The following CSMD1 variants were observed in gnomAD, a reference collection of about 807,000 sequenced individuals.
CSMD1 encodes the protein CUB and Sushi multiple domains 1.
In CSMD1, 213 loss-of-function variants were observed where a neutral mutation model predicts 417.5. The observed-to-expected ratio is 0.51, with a 90% CI of 0.46 to 0.57. The LOEUF (loss-of-function observed/expected upper bound fraction) is 0.57, where lower values mean the gene tolerates loss of function less well. CSMD1 is among the 20% of genes least tolerant of loss of function. The pLI, the probability that CSMD1 is intolerant of heterozygous loss-of-function variation, is 0.00. For missense variants in CSMD1, 6,923 were observed against 4,529.7 expected, an observed-to-expected ratio of 1.53 and a Z score of -15.17; for synonymous variants, 2,862 against 1,736.8, an observed-to-expected ratio of 1.65 and a Z score of -16.11.
intron 4 of CSMD1, among the ~76,000 whole-genome samples, chr8:4,025,229 G>C (rs956352690): frequency 3.3e-5 from 5 of 152,160 alleles, no homozygotes; most frequent in African/African-American, 1.2e-4. Context: ...CATGGAGGAG[G>C]ATTTTCTAAA....
rs751854109 is a variant in CSMD1 at position 3,018,664 on chromosome 8, C to G, written c.7856-14G>C. 10 of 1,604,906 alleles carry G rather than the reference C, an allele frequency of 6.2e-6. 1 individual carries two copies. In the South Asian group the frequency reaches 1.1e-4, roughly 18 times the overall value. On this transcript the variant is annotated splice_polypyrimidine_tract_variant and intron_variant, in intron 51 of 69. Coordinates refer to ENST00000635120, the MANE Select transcript of CSMD1 (RefSeq NM_033225.6). ...CACACGAGATAACTAGAAGGAAAAA[C>G]AATAAAATGAACATCAATTCAGTTA...
intron 1 of CSMD1, among the ~76,000 whole-genome samples, chr8:4,821,974 G>C (rs550989208): frequency 1.3e-5 from 2 of 151,932 alleles, no homozygotes; most frequent in Non-Finnish European, 2.9e-5. Context: ...AGAATACTAC[G>C]TAAAATAAAG....
At chr8:2,958,376 T>G (rs967555688) in intron 62 of CSMD1, among the ~76,000 whole-genome samples, 11 of 152,234 alleles carry the variant, frequency 7.2e-5, no homozygotes, top group Non-Finnish European at 1.6e-4. Context: ...CGCTGCAGAT[T>G]CTTCTCTGAT....
chr8:4,668,502 T>C (rs1051575193), intron 1 of CSMD1, among the ~76,000 whole-genome samples: 5 of 150,332 alleles, frequency 3.3e-5, no homozygotes, highest in Admixed American at 1.3e-4. Context: ...CAGGCTGGAG[T>C]GCAGTGGCAC....
chr8:3,041,443 T>G (rs1447446256), intron 50 of CSMD1, among the ~76,000 whole-genome samples: 3 of 152,194 alleles, frequency 2.0e-5, no homozygotes, highest in African/African-American at 7.2e-5. Flanking sequence ...ATACACACCT[T>G]GAAAACCTTT....
At chr8:3,203,832 A>T (rs550112157) in intron 31 of CSMD1, among the ~76,000 whole-genome samples, 1 of 152,296 alleles carries the variant, frequency 6.6e-6, no homozygotes, top group Non-Finnish European at 1.5e-5. Context: ...TCTTATTAAT[A>T]ATATCGCTTC....
chr8:4,491,123 A>G (rs1318776311), intron 2 of CSMD1, among the ~76,000 whole-genome samples: 2 of 152,214 alleles, frequency 1.3e-5, no homozygotes, highest in Non-Finnish European at 2.9e-5. Flanking sequence ...CGGGCAATGA[A>G]ATAATCTCTA....
intron 23 of CSMD1, among the ~76,000 whole-genome samples, chr8:3,312,824 T>G (rs1805453689): frequency 6.6e-6 from 1 of 152,092 alleles, no homozygotes; most frequent in South Asian, 2.1e-4. Flanking sequence ...TTCAATCTGG[T>G]GTTTCAGACA....
intron 2 of CSMD1, among the ~76,000 whole-genome samples, chr8:4,511,713 G>C (rs531339245): frequency 1.6e-3 from 240 of 152,260 alleles, no homozygotes; most frequent in African/African-American, 4.6e-3. Flanking sequence ...ATGAACTGCT[G>C]CTGGCTCAGT....
chr8:3,052,427 C>T (rs1387731908), intron 50 of CSMD1, 35 bp downstream of exon 50: 9 of 1,526,192 alleles, frequency 5.9e-6, no homozygotes, highest in African/African-American at 4.2e-5. Flanking sequence ...CCCACCTAAA[C>T]CCACAAAGAT....
chr8:3,681,103 G>A (rs1373801475), intron 7 of CSMD1, among the ~76,000 whole-genome samples: 1 of 152,144 alleles, frequency 6.6e-6, no homozygotes, highest in African/African-American at 2.4e-5. Flanking sequence ...GCAAAAACTG[G>A]AAGCATTCCC....
chr8:4,204,699 G>T (rs1015677256), intron 3 of CSMD1, among the ~76,000 whole-genome samples: 1 of 152,092 alleles, frequency 6.6e-6, no homozygotes, highest in South Asian at 2.1e-4. Flanking sequence ...CTGTCACCCA[G>T]GCTGGAATGC....
At chr8:3,538,210 C>A (rs983247456) in intron 10 of CSMD1, among the ~76,000 whole-genome samples, 4 of 152,222 alleles carry the variant, frequency 2.6e-5, no homozygotes, top group Non-Finnish European at 5.9e-5. Flanking sequence ...CCCACTAGCA[C>A]CATCAGCTGG....
At chr8:3,953,184 T>G (rs986367072) in intron 5 of CSMD1, among the ~76,000 whole-genome samples, 1 of 152,112 alleles carries the variant, frequency 6.6e-6, no homozygotes, top group Non-Finnish European at 1.5e-5. Flanking sequence ...AGATTTTACT[T>G]TGTGTAGAAG....
intron 15 of CSMD1, among the ~76,000 whole-genome samples, chr8:3,404,907 A>T (rs546990213): frequency 6.6e-6 from 1 of 152,006 alleles, no homozygotes; most frequent in African/African-American, 2.4e-5. Context: ...ATCATTTCCA[A>T]CTCTTCACTG....
chr8:4,012,460 C>T (rs957085343), intron 4 of CSMD1, among the ~76,000 whole-genome samples: 4 of 152,226 alleles, frequency 2.6e-5, no homozygotes, highest in Non-Finnish European at 2.9e-5. Context: ...CAGGGGTACA[C>T]ATGCAGGTTT....
At chr8:3,992,085 G>A (rs1368468490) in intron 5 of CSMD1, among the ~76,000 whole-genome samples, 1 of 143,768 alleles carries the variant, frequency 7.0e-6, no homozygotes, top group Non-Finnish European at 1.6e-5. Flanking sequence ...CCTTCAGCTG[G>A]TATGCAGAGT....
At chr8:3,522,034 G>C (rs578134344) in intron 10 of CSMD1, among the ~76,000 whole-genome samples, 15 of 152,288 alleles carry the variant, frequency 9.8e-5, no homozygotes, top group Admixed American at 8.5e-4. Flanking sequence ...TTACATTAGA[G>C]TATTGCCTGT....
At chr8:4,617,338 A>G in intron 2 of CSMD1, among the ~76,000 whole-genome samples, 1 of 152,326 alleles carries the variant, frequency 6.6e-6, no homozygotes, top group East Asian at 1.9e-4. Flanking sequence ...AGTTTAAATT[A>G]GAAAACGGAA....
Sources: gnomAD v4.1 joint callset for allele counts (sites outside exome capture counted in the v4.1 genomes callset) on GRCh38, gnomAD v4.1.1 for gene constraint, MANE v1.5 for transcripts, NCBI Gene and HGNC (gene_info 2026-07-23, HGNC 2026-07-21) for gene names.